Variants in SHOC1 observed in about 807,000 individuals in gnomAD.
SHOC1 encodes the protein shortage in chiasmata 1, also known as protein shortage in chiasmata 1 ortholog.
SHOC1 carries 136 observed loss-of-function variants against 179.2 expected under a neutral mutation model. The observed-to-expected ratio is 0.76, with a 90% CI of 0.66 to 0.87. The LOEUF (loss-of-function observed/expected upper bound fraction) is 0.87. Ranked by LOEUF, SHOC1 falls within the 40% of genes least tolerant of loss-of-function variation. The pLI is 0.00. For synonymous variants in SHOC1, 489 were observed against 586.6 expected (o/e 0.83, Z 2.41); for missense variants, 1,538 against 1,700.8 (o/e 0.90, Z 1.68).
intron 22 of SHOC1, among the ~76,000 whole-genome samples, chr9:111,703,395 C>T (rs1832076649): frequency 6.6e-6 from 1 of 152,016 alleles, no homozygotes; most frequent in African/African-American, 2.4e-5. Context: ...GGAGATTCAC[C>T]CAAGAATTTA....
intron 1 of SHOC1, among the ~76,000 whole-genome samples, chr9:111,794,421 T>C (rs1836555622): frequency 6.6e-6 from 1 of 151,724 alleles, no homozygotes; most frequent in African/African-American, 2.4e-5. Context: ...CCGTCTCTAT[T>C]AAAAATATAA....
chr9:111,755,910 G>A (rs921909697), intron 8 of SHOC1, among the ~76,000 whole-genome samples: 3 of 152,078 alleles, frequency 2.0e-5, no homozygotes, highest in Non-Finnish European at 4.4e-5. Context: ...ATCACCTGAG[G>A]TCAGGAGTTC....
At chr9:111,709,849 C>T (rs189071339) in intron 18 of SHOC1, among the ~76,000 whole-genome samples, 40 of 152,224 alleles carry the variant, frequency 2.6e-4, no homozygotes, top group Middle Eastern at 3.4e-3. Context: ...ACATTGCATG[C>T]CTGTATCAAA....
chr9:111,686,755 T>C lies in SHOC1; in HGVS notation c.*15A>G, dbSNP rs776788384. The C allele has an allele frequency of 6.0e-5, 92 of 1,542,360 alleles. No homozygotes were observed. Among genetic ancestry groups the C allele is most frequent in the Non-Finnish European group, 7.3e-5 (82 of 1,115,886 alleles). ...AACAGTGGAATATGGCATGTAACATTGCTCTTCTCCTCCTTCAAAAAAACC... is the reference window on the plus strand; with the variant it reads ...AACAGTGGAATATGGCATGTAACATCGCTCTTCTCCTCCTTCAAAAAAACC... On this transcript the variant is annotated 3_prime_UTR_variant, in exon 28 of 28. Coordinates refer to ENST00000682961, the MANE Select transcript of SHOC1 (RefSeq NM_001378211.1).
At chr9:111,746,103 T>C (rs1445851233) in intron 10 of SHOC1, 131 bp downstream of exon 10, 4 of 502,516 alleles carry the variant, frequency 8.0e-6, no homozygotes, top group African/African-American at 1.9e-5. Flanking sequence ...TAGTTACTTA[T>C]TACAGACACT....
chr9:111,699,947 A>G lies in SHOC1; in HGVS notation c.3183+7T>C. On this transcript the variant is annotated splice_region_variant and intron_variant, in intron 24 of 27. Coordinates refer to ENST00000682961, the MANE Select transcript of SHOC1 (RefSeq NM_001378211.1). ...TACTTATGAAGAAACACATAGGAAA[A>G]GAATACCTTTACATCCAGTTCTTCA... 1 of 1,576,854 alleles carries G rather than the reference A, an allele frequency of 6.3e-7. No individual in the cohort carries two copies. The highest frequency in any genetic ancestry group is 8.7e-7 in the Non-Finnish European group (1 of 1,155,102).
chr9:111,748,593 C>T (rs1222113330), intron 8 of SHOC1, among the ~76,000 whole-genome samples: 2 of 152,144 alleles, frequency 1.3e-5, no homozygotes, highest in African/African-American at 4.8e-5. Context: ...CTCTACTTGT[C>T]TATATGAATA....
chr9:111,743,124 T>C (rs1834118257), intron 10 of SHOC1, among the ~76,000 whole-genome samples: 1 of 152,240 alleles, frequency 6.6e-6, no homozygotes, highest in Non-Finnish European at 1.5e-5. Context: ...CTGGGTATTA[T>C]TTTCAGCCAA....
intron 12 of SHOC1, among the ~76,000 whole-genome samples, chr9:111,732,850 T>C (rs1172614534): frequency 6.6e-6 from 1 of 152,182 alleles, no homozygotes; most frequent in Non-Finnish European, 1.5e-5. Context: ...TGCATCTTAA[T>C]TGTAGTGGTA....
chr9:111,747,178 T>C (rs905692532), intron 9 of SHOC1, among the ~76,000 whole-genome samples: 5 of 152,162 alleles, frequency 3.3e-5, no homozygotes, highest in African/African-American at 4.8e-5. Flanking sequence ...TATTGCTAAC[T>C]AGTAAGTGTG....
At chr9:111,693,970 A>C in intron 25 of SHOC1, 22 bp from the exon 26 acceptor site, 1 of 1,580,360 alleles carries the variant, frequency 6.3e-7, no homozygotes, top group South Asian at 1.1e-5. Context: ...TTTAAGAAAT[A>C]ATCAGTCAGT....
At chr9:111,789,671 GC>G (rs1836386119) in intron 2 of SHOC1, among the ~76,000 whole-genome samples, 1 of 152,040 alleles carries the variant, frequency 6.6e-6, no homozygotes, top group South Asian at 2.1e-4. Context: ...TGCATCTTTT[GC>G]AAGATTTGCC....
intron 5 of SHOC1, among the ~76,000 whole-genome samples, chr9:111,764,826 A>T (rs894394850): frequency 2.6e-5 from 4 of 152,136 alleles, no homozygotes; most frequent in African/African-American, 7.2e-5. Flanking sequence ...TGGTTGATGA[A>T]GTCAGGAAAT....
At chr9:111,723,945 T>G (rs1833184619) in intron 13 of SHOC1, 34 bp from the exon 14 acceptor site, 1 of 1,419,008 alleles carries the variant, frequency 7.0e-7, no homozygotes, top group Non-Finnish European at 9.5e-7. Context: ...AAATTTTTGT[T>G]GTTCAAGAGA....
intron 23 of SHOC1, 148 bp from the exon 24 acceptor site, chr9:111,700,195 T>C (rs1831904774): frequency 8.4e-6 from 4 of 474,602 alleles, no homozygotes; most frequent in Non-Finnish European, 1.5e-5. Flanking sequence ...GGTTTTTTTT[T>C]CCACTCTGTA....
intron 5 of SHOC1, among the ~76,000 whole-genome samples, chr9:111,766,547 G>A (rs781131331): frequency 6.6e-6 from 1 of 151,998 alleles, no homozygotes; most frequent in African/African-American, 2.4e-5. Flanking sequence ...GCTGGCATCT[G>A]TTATTACCTT....
At chr9:111,689,230 A>G (rs1341951757) in intron 27 of SHOC1, among the ~76,000 whole-genome samples, 1 of 151,692 alleles carries the variant, frequency 6.6e-6, no homozygotes, top group East Asian at 1.9e-4. Flanking sequence ...TACAAAAAAT[A>G]CAAAAATTAG....
rs914167765 is a variant in SHOC1, at chr9:111,703,739, C to T, written c.2967+142G>A. The T allele has an allele frequency of 3.7e-5, 17 of 465,030 alleles. No homozygotes were observed. The Admixed American group carries it at 3.9e-4, about 11-fold the overall frequency. The allele number at this position is 465,030 out of a possible 1,614,324, so 28.8% of individuals were successfully genotyped here. On this transcript the variant is annotated intron_variant, in intron 22 of 27. Coordinates refer to ENST00000682961, the MANE Select transcript of SHOC1 (RefSeq NM_001378211.1). ...TGATAATAGTCATTTTCCACAGTGA[C>T]GATTTTAGCACTTGTGGCCCATTTG...
chr9:111,702,622 T>C (rs1316315524), intron 22 of SHOC1, among the ~76,000 whole-genome samples: 1 of 152,256 alleles, frequency 6.6e-6, no homozygotes, highest in Non-Finnish European at 1.5e-5. Context: ...ACAGAAAATA[T>C]GTTTAAAACC....
Sources: allele counts gnomAD v4.1 joint callset (sites outside exome capture counted in the v4.1 genomes callset), GRCh38; gene constraint gnomAD v4.1.1; transcripts MANE v1.5; gene names NCBI Gene and HGNC (gene_info 2026-07-23, HGNC 2026-07-21).